The following GAD1 variants were observed in gnomAD, a reference collection of about 807,000 sequenced individuals.
GAD1 encodes the protein glutamate decarboxylase 1.
In GAD1, 35 loss-of-function variants were observed where a neutral mutation model predicts 75.2. That is an observed-to-expected ratio of 0.47 (90% CI 0.36 to 0.62). The LOEUF is 0.62. GAD1 is among the 20% of genes least tolerant of loss of function. The pLI is 0.00. For synonymous variants in GAD1, 257 were observed against 271.9 expected (o/e 0.95, Z 0.54); for missense variants, 490 against 758.5 (o/e 0.65, Z 4.16).
intron 10 of GAD1, among the ~76,000 whole-genome samples, chr2:170,846,523 C>A (rs1197821379): frequency 6.6e-6 from 1 of 152,258 alleles, no homozygotes; most frequent in Non-Finnish European, 1.5e-5. Flanking sequence ...AACAAAAAAA[C>A]TCACAGAACA....
chr2:170,839,563 G>A (rs1702456572), intron 6 of GAD1, among the ~76,000 whole-genome samples: 1 of 150,924 alleles, frequency 6.6e-6, no homozygotes, highest in Admixed American at 6.6e-5. Context: ...GCAGTGAGCT[G>A]AGACTATGCC....
At chr2:170,838,336 T>C (rs963133547) in intron 6 of GAD1, among the ~76,000 whole-genome samples, 1 of 152,252 alleles carries the variant, frequency 6.6e-6, no homozygotes, top group African/African-American at 2.4e-5. Flanking sequence ...TTTACTGTAC[T>C]GTGATTTTTG....
At chr2:170,814,250 A>G (rs1249701687), upstream of GAD1, among the ~76,000 whole-genome samples, 1 of 152,162 alleles carries the variant, frequency 6.6e-6, no homozygotes, top group Non-Finnish European at 1.5e-5. Flanking sequence ...GGCAAAACAA[A>G]CAGCAGTTAC....
intron 3 of GAD1, chr2:170,829,193 CTTAA>C (rs1311324317): frequency 2.1e-6 from 1 of 471,392 alleles, no homozygotes; most frequent in Middle Eastern, 5.9e-4. Flanking sequence ...GTCCAACTTA[CTTAA>C]TTGTGAGTTC....
chr2:170,839,483 G>A (rs530796535), intron 6 of GAD1, among the ~76,000 whole-genome samples: 1 of 151,858 alleles, frequency 6.6e-6, no homozygotes, highest in African/African-American at 2.4e-5. Flanking sequence ...GTGTGGTGGC[G>A]GGTGCCTGTA....
rs1701773449 is a variant in GAD1, at chr2:170,818,506, A to T, written c.-63-23A>T. The T allele has an allele frequency of 1.5e-6, 2 of 1,291,620 alleles. No individual in the cohort carries two copies. The highest frequency in any genetic ancestry group is 2.3e-6 in the Non-Finnish European group (2 of 886,546). The allele number at this position is 1,291,620 out of a possible 1,614,324, so 80.0% of individuals were successfully genotyped here. A position where few individuals can be genotyped will look rare whatever the true frequency, so the allele number is the denominator to read the frequency against. On this transcript the variant is annotated intron_variant, in intron 1 of 16. Coordinates refer to ENST00000358196, the MANE Select transcript of GAD1 (RefSeq NM_000817.3). This position sits in a 1 kb window ranked among gnomAD's most constrained non-coding sequence, Gnocchi z 5.9. ...GCAGGACCCCGGAAGTCCTCCCCGC[A>T]CAGCTCTCGCTTCTCTTTGCAGCCT...
intron 14 of GAD1, 126 bp downstream of exon 14, chr2:170,854,148 TTAAC>T: frequency 1.0e-6 from 1 of 963,826 alleles, no homozygotes; most frequent in Non-Finnish European, 1.6e-6. Context: ...GATAATTGAA[TTAAC>T]TGTGTTTTCT....
chr2:170,818,618 C>T lies in GAD1; in HGVS notation c.27C>T (p.Ser9=), dbSNP rs530654744. 6 of 1,614,192 alleles carry T rather than the reference C, an allele frequency of 3.7e-6. No homozygotes were observed. Among genetic ancestry groups the T allele is most frequent in the East Asian group, 4.5e-5 (2 of 44,876 alleles). The change falls in exon 2 of 17, where the codon TCC becomes TCT. Residue 9 remains serine, a synonymous_variant. Transcript: ENST00000358196. The surrounding 1 kb of genome is among the most constrained non-coding windows in gnomAD (Gnocchi z 5.9). The part of the protein sequence containing the change: MASSTPSS[S]ATSSNAGADP... Reference sequence around the variant, plus strand: ...TGGCGTCTTCGACCCCATCTTCGTCCGCAACCTCCTCGAACGCGGGAGCGG... The same window carrying T: ...TGGCGTCTTCGACCCCATCTTCGTCTGCAACCTCCTCGAACGCGGGAGCGG...
chr2:170,826,244 C>T (rs375236584), intron 3 of GAD1, among the ~76,000 whole-genome samples: 1 of 152,210 alleles, frequency 6.6e-6, no homozygotes, highest in East Asian at 1.9e-4. Flanking sequence ...ACTGGAAGTG[C>T]AGCCCAAGGA....
chr2:170,853,416 T>C lies in GAD1; in HGVS notation c.1264-457T>C, dbSNP rs1702786122. ...GGAGCCAGAATCTGCACAGCGTCTT[T>C]AGTCCACTCATATGTGGAATCCATG... On this transcript the variant is annotated intron_variant, in intron 13 of 16. Coordinates refer to ENST00000358196, the MANE Select transcript of GAD1 (RefSeq NM_000817.3). This position sits in a 1 kb window ranked among gnomAD's most constrained non-coding sequence, Gnocchi z 4.1. 4.6e-6 allele frequency: 1 copy of C among 215,192 alleles called. No homozygotes were observed. Among genetic ancestry groups the C allele is most frequent in the African/African-American group, 2.3e-5 (1 of 43,874 alleles). The allele number at this position is 215,192 out of a possible 1,614,324, so 13.3% of individuals were successfully genotyped here. A position where few individuals can be genotyped will look rare whatever the true frequency, so the allele number is the denominator to read the frequency against.
At chr2:170,837,356 T>C (rs1177148995) in intron 6 of GAD1, among the ~76,000 whole-genome samples, 1 of 152,216 alleles carries the variant, frequency 6.6e-6, no homozygotes, top group Non-Finnish European at 1.5e-5. Flanking sequence ...ACTGATACAG[T>C]ATATATTCTT....
At chr2:170,858,706 G>C in intron 15 of GAD1, 98 bp from the exon 16 acceptor site, 1 of 1,021,508 alleles carries the variant, frequency 9.8e-7, no homozygotes, top group Admixed American at 1.9e-5. Flanking sequence ...CTCTTTCTTT[G>C]GTCCAAGAGA....
intron 14 of GAD1, among the ~76,000 whole-genome samples, chr2:170,855,487 C>T (rs575845958): frequency 2.4e-4 from 37 of 151,630 alleles, no homozygotes; most frequent in African/African-American, 8.0e-4. Context: ...GGATTACAGG[C>T]GTGAGCCACC....
intron 5 of GAD1, among the ~76,000 whole-genome samples, chr2:170,832,342 C>T (rs1702252435): frequency 6.6e-6 from 1 of 152,102 alleles, no homozygotes; most frequent in South Asian, 2.1e-4. Flanking sequence ...CATTTGTTGG[C>T]TTGTAGATGC....
chr2:170,819,088 T>C (rs537905692), intron 2 of GAD1, among the ~76,000 whole-genome samples: 4 of 152,144 alleles, frequency 2.6e-5, no homozygotes, highest in Non-Finnish European at 5.9e-5. Context: ...AGATCTGACC[T>C]CCTCCTTTCC....
chr2:170,833,189 T>C (rs1702286282), intron 5 of GAD1, among the ~76,000 whole-genome samples: 9 of 152,216 alleles, frequency 5.9e-5, no homozygotes, highest in Admixed American at 5.9e-4. Flanking sequence ...CTGGTGGTGA[T>C]AGAGCTGAGT....
chr2:170,829,225 G>T, intron 3 of GAD1: 1 of 537,212 alleles, frequency 1.9e-6, no homozygotes, highest in Non-Finnish European at 3.4e-6. Flanking sequence ...CATTCAGAGA[G>T]GAGAACGGGC....
chr2:170,849,184 T>A, intron 11 of GAD1, 102 bp from the exon 12 acceptor site: 1 of 994,252 alleles, frequency 1.0e-6, no homozygotes, highest in Non-Finnish European at 1.6e-6. Context: ...GTTTTTCACC[T>A]TGTACTTTCT....
At chr2:170,849,488 G>T (rs1265772091) in intron 12 of GAD1, 138 bp downstream of exon 12, 23 of 788,140 alleles carry the variant, frequency 2.9e-5, no homozygotes, top group Non-Finnish European at 4.4e-5. Context: ...GCAGGCATTT[G>T]TTGAGCATTT....
Sources: allele counts gnomAD v4.1 joint callset (sites outside exome capture counted in the v4.1 genomes callset), GRCh38; gene constraint gnomAD v4.1.1; non-coding constraint Gnocchi (gnomAD v3.1); transcripts MANE v1.5; gene names NCBI Gene and HGNC (gene_info 2026-07-23, HGNC 2026-07-21).